The following CAMK2D variants were observed in gnomAD, a reference collection of about 807,000 sequenced individuals.
CAMK2D encodes calcium/calmodulin dependent protein kinase II delta.
Under a neutral mutation model 84.0 loss-of-function variants are expected in CAMK2D, and 37 were observed. The ratio of observed to expected loss-of-function variants is 0.44; its 90% confidence interval spans 0.34 to 0.58. The LOEUF (loss-of-function observed/expected upper bound fraction) is 0.58, where lower values mean the gene tolerates loss of function less well. Ranked by LOEUF, CAMK2D falls within the 20% of genes least tolerant of loss-of-function variation. The pLI is 0.02. For missense variants in CAMK2D, 448 were observed against 652.5 expected, an observed-to-expected ratio of 0.69 and a Z score of 3.41; for synonymous variants, 202 against 212.5, an observed-to-expected ratio of 0.95 and a Z score of 0.43.
At chr4:113,639,109 G>T (rs2099121688) in intron 3 of CAMK2D, among the ~76,000 whole-genome samples, 1 of 151,466 alleles carries the variant, frequency 6.6e-6, no homozygotes, top group South Asian at 2.1e-4. Flanking sequence ...GCCCGGTGTG[G>T]TGGTGTGCAC....
intron 2 of CAMK2D, among the ~76,000 whole-genome samples, chr4:113,666,482 A>G (rs1420374114): frequency 1.3e-5 from 2 of 152,060 alleles, no homozygotes; most frequent in Non-Finnish European, 2.9e-5. Context: ...TACCTGCACC[A>G]CCTACCAAAT....
chr4:113,629,037 A>T (rs943491799), intron 3 of CAMK2D, among the ~76,000 whole-genome samples: 1 of 150,320 alleles, frequency 6.7e-6, no homozygotes, highest in African/African-American at 2.4e-5. Flanking sequence ...AAGCAGTAAA[A>T]TATATATATA....
At chr4:113,753,995 AT>A in intron 2 of CAMK2D, 1 of 966,294 alleles carries the variant, frequency 1.0e-6, no homozygotes, top group Non-Finnish European at 1.2e-6. Flanking sequence ...GATAGCCTTT[AT>A]TTTTCCTAAC....
chr4:113,635,879 C>G (rs1213936781), intron 3 of CAMK2D, among the ~76,000 whole-genome samples: 1 of 152,208 alleles, frequency 6.6e-6, no homozygotes, highest in Non-Finnish European at 1.5e-5. Flanking sequence ...GACTGATAGC[C>G]TGCTGACAGG....
chr4:113,565,253 T>C (rs1191881836), intron 4 of CAMK2D, among the ~76,000 whole-genome samples: 1 of 152,148 alleles, frequency 6.6e-6, no homozygotes, highest in Non-Finnish European at 1.5e-5. Flanking sequence ...CATGATCCTA[T>C]AAATTTACCC....
intron 2 of CAMK2D, chr4:113,753,741 T>C (rs2099622361): frequency 6.3e-6 from 6 of 950,974 alleles, no homozygotes; most frequent in Non-Finnish European, 7.5e-6. Context: ...ATATTTAAAC[T>C]ACTTTGAGCA....
chr4:113,525,290 C>A (rs984838364), intron 8 of CAMK2D, among the ~76,000 whole-genome samples: 1 of 151,982 alleles, frequency 6.6e-6, no homozygotes, highest in Non-Finnish European at 1.5e-5. Context: ...ACATAGGGTG[C>A]GGGAGAGACC....
At chr4:113,704,997 T>A (rs1258789973) in intron 2 of CAMK2D, among the ~76,000 whole-genome samples, 1 of 151,940 alleles carries the variant, frequency 6.6e-6, no homozygotes, top group Non-Finnish European at 1.5e-5. Context: ...CCAAGTTATA[T>A]TTAATCAGAT....
chr4:113,612,237 T>C (rs377680185), intron 3 of CAMK2D, among the ~76,000 whole-genome samples: 6 of 152,226 alleles, frequency 3.9e-5, no homozygotes, highest in South Asian at 2.1e-4. Flanking sequence ...GTCTGGAAGA[T>C]AGTGTTTTAG....
chr4:113,503,644 A>C (rs1355990779), intron 14 of CAMK2D, among the ~76,000 whole-genome samples: 1 of 152,202 alleles, frequency 6.6e-6, no homozygotes, highest in African/African-American at 2.4e-5. Flanking sequence ...TACTGCTATT[A>C]AATCCTGTAT....
intron 2 of CAMK2D, among the ~76,000 whole-genome samples, chr4:113,729,213 A>T (rs2148742802): frequency 6.6e-6 from 1 of 152,280 alleles, no homozygotes; most frequent in Non-Finnish European, 1.5e-5. Context: ...ATCTTTCCTT[A>T]GCCTATTACC....
chr4:113,707,026 G>C (rs1299459741), intron 2 of CAMK2D, among the ~76,000 whole-genome samples: 1 of 151,930 alleles, frequency 6.6e-6, no homozygotes. Context: ...ACAAGGTAAA[G>C]GCTGGCCACG....
intron 4 of CAMK2D, among the ~76,000 whole-genome samples, chr4:113,592,294 G>T (rs964102330): frequency 3.3e-5 from 5 of 152,122 alleles, no homozygotes; most frequent in African/African-American, 1.2e-4. Context: ...TACTGAAGAA[G>T]CTGACTGCTA....
intron 5 of CAMK2D, among the ~76,000 whole-genome samples, chr4:113,548,894 G>A (rs933526841): frequency 2.6e-5 from 4 of 152,126 alleles, no homozygotes; most frequent in African/African-American, 9.7e-5. Context: ...GCTGAATAAA[G>A]CTAATTTTGG....
At chr4:113,621,196 C>T (rs1464686613) in intron 3 of CAMK2D, among the ~76,000 whole-genome samples, 2 of 152,128 alleles carry the variant, frequency 1.3e-5, no homozygotes, top group Admixed American at 1.3e-4. Context: ...ATTTAGAGAA[C>T]AATCAATAGT....
intron 16 of CAMK2D, among the ~76,000 whole-genome samples, chr4:113,485,286 T>C (rs1461085032): frequency 6.6e-6 from 1 of 152,194 alleles, no homozygotes; most frequent in Non-Finnish European, 1.5e-5. Context: ...AAATCTAACT[T>C]TCATGAAAGT....
intron 3 of CAMK2D, among the ~76,000 whole-genome samples, chr4:113,637,510 C>A (rs1256082910): frequency 6.6e-6 from 1 of 152,198 alleles, no homozygotes; most frequent in East Asian, 1.9e-4. Flanking sequence ...GAGTCCTTAT[C>A]TTTCCTCCTG....
At chr4:113,716,796 C>T (rs1296819973) in intron 2 of CAMK2D, among the ~76,000 whole-genome samples, 1 of 151,936 alleles carries the variant, frequency 6.6e-6, no homozygotes, top group East Asian at 1.9e-4. Flanking sequence ...AAGGAGGACA[C>T]ATGGTAATGA....
chr4:113,565,244 A>G (rs1417535141), intron 4 of CAMK2D, among the ~76,000 whole-genome samples: 3 of 152,210 alleles, frequency 2.0e-5, no homozygotes, highest in Non-Finnish European at 2.9e-5. Context: ...CTGGGTGGCC[A>G]TGATCCTATA....
Sources: gnomAD v4.1 joint callset for allele counts (sites outside exome capture counted in the v4.1 genomes callset) on GRCh38, gnomAD v4.1.1 for gene constraint, MANE v1.5 for transcripts, NCBI Gene and HGNC (gene_info 2026-07-23, HGNC 2026-07-21) for gene names.